KCNMB2: variants seen among roughly 807,000 people sequenced by gnomAD.
KCNMB2 encodes calcium-activated potassium channel subunit beta-2.
In KCNMB2, 9 loss-of-function variants were observed where a neutral mutation model predicts 24.5. The ratio of observed to expected loss-of-function variants is 0.37; its 90% CI spans 0.22 to 0.64. The LOEUF is 0.64. KCNMB2 is among the 30% of genes least tolerant of loss of function. KCNMB2 has a pLI of 0.63. For missense variants in KCNMB2, 226 were observed against 284.3 expected (o/e 0.79, Z 1.47); for synonymous variants, 109 against 104.4 (o/e 1.04, Z -0.27).
chr3:178,655,065 T>C (rs1224857050), intron 1 of KCNMB2, among the ~76,000 whole-genome samples: 1 of 147,588 alleles, frequency 6.8e-6, no homozygotes, highest in Non-Finnish European at 1.5e-5. Context: ...ATAACATGCT[T>C]AGTGTAAAGT....
chr3:178,613,167 G>A (rs773177283), intron 1 of KCNMB2, among the ~76,000 whole-genome samples: 1 of 152,198 alleles, frequency 6.6e-6, no homozygotes, highest in Non-Finnish European at 1.5e-5. Context: ...GGTGGCCAAG[G>A]TAAGAGTATT....
chr3:178,621,362 C>A (rs139319982), intron 1 of KCNMB2, among the ~76,000 whole-genome samples: 1 of 146,994 alleles, frequency 6.8e-6, no homozygotes, highest in Non-Finnish European at 1.5e-5. Context: ...ATTCCTCCAC[C>A]CTTCTCTCTC....
intron 1 of KCNMB2, among the ~76,000 whole-genome samples, chr3:178,740,411 C>A (rs182177146): frequency 1.3e-5 from 2 of 152,142 alleles, no homozygotes; most frequent in East Asian, 3.8e-4. Flanking sequence ...TTAGCCACCA[C>A]GCCTGGCCCC....
chr3:178,651,615 C>A (rs1415421323), intron 1 of KCNMB2, among the ~76,000 whole-genome samples: 1 of 152,174 alleles, frequency 6.6e-6, no homozygotes, highest in East Asian at 1.9e-4. Context: ...ATAGCCAAGA[C>A]AATCCTAAGC....
chr3:178,794,075 T>C (rs1328167693), intron 1 of KCNMB2, among the ~76,000 whole-genome samples: 3 of 152,218 alleles, frequency 2.0e-5, no homozygotes, highest in Admixed American at 6.5e-5. Context: ...TATTACACGG[T>C]TGCAAAGCAG....
intron 1 of KCNMB2, among the ~76,000 whole-genome samples, chr3:178,683,013 A>C (rs560849110): frequency 2.4e-3 from 371 of 152,246 alleles, no homozygotes; most frequent in African/African-American, 8.3e-3. Context: ...AAGAAAATAA[A>C]TCTACCAAAA....
At chr3:178,553,626 T>C (rs1185003069) in intron 1 of KCNMB2, among the ~76,000 whole-genome samples, 1 of 151,828 alleles carries the variant, frequency 6.6e-6, no homozygotes, top group Non-Finnish European at 1.5e-5. Flanking sequence ...TCATTTCGTC[T>C]CCTGGTTTCA....
At chr3:178,677,604 T>TG (rs1721114057) in intron 1 of KCNMB2, among the ~76,000 whole-genome samples, 1 of 152,222 alleles carries the variant, frequency 6.6e-6, no homozygotes, top group Non-Finnish European at 1.5e-5. Context: ...CTAAAACCCC[T>TG]GGCCTGTCGT....
At chr3:178,561,265 C>T (rs1716305162) in intron 1 of KCNMB2, among the ~76,000 whole-genome samples, 1 of 152,122 alleles carries the variant, frequency 6.6e-6, no homozygotes, top group East Asian at 1.9e-4. Context: ...GCTACAGCAA[C>T]AGTTTAACAG....
chr3:178,753,395 T>A (rs1160657780), intron 1 of KCNMB2, among the ~76,000 whole-genome samples: 1 of 152,196 alleles, frequency 6.6e-6, no homozygotes, highest in African/African-American at 2.4e-5. Context: ...AGTTCTTAAC[T>A]CCTCTGTGCC....
At chr3:178,690,600 C>T (rs1721635320) in intron 1 of KCNMB2, among the ~76,000 whole-genome samples, 1 of 152,116 alleles carries the variant, frequency 6.6e-6, no homozygotes, top group Non-Finnish European at 1.5e-5. Flanking sequence ...TTTTTGTCCT[C>T]TGACATGCAC....
At chr3:178,703,752 G>T (rs1722184759) in intron 1 of KCNMB2, among the ~76,000 whole-genome samples, 1 of 152,260 alleles carries the variant, frequency 6.6e-6, no homozygotes. Context: ...CTACTTACAT[G>T]GGTGTGTTTA....
chr3:178,601,197 G>A (rs1443629486), intron 1 of KCNMB2, among the ~76,000 whole-genome samples: 1 of 150,946 alleles, frequency 6.6e-6, no homozygotes, highest in African/African-American at 2.4e-5. Flanking sequence ...CCTGTCAGGG[G>A]GTTGGGGGGG....
At chr3:178,806,689 A>C (rs754014007) in intron 1 of KCNMB2, among the ~76,000 whole-genome samples, 1,473 of 58,474 alleles carry the variant, frequency 0.025, 11 homozygotes, top group Non-Finnish European at 0.026. Flanking sequence ...AAGTCATAAT[A>C]ATAATAATAA....
rs1169215603 is a variant in KCNMB2, at chr3:178,831,443, A to C, written c.423+3070A>C. On this transcript the variant is annotated intron_variant, in intron 4 of 4. Transcript: ENST00000452583. ...TGTTCTGCCACAAAGACACATGTACATGTATGTTCATGGCAGCAGTTCTCA... is the reference window on the plus strand; with the variant it reads ...TGTTCTGCCACAAAGACACATGTACCTGTATGTTCATGGCAGCAGTTCTCA... 2.0e-5 allele frequency among the ~76,000 whole-genome samples: 3 copies of C among 152,172 alleles called. No individual in the cohort carries two copies. In the South Asian group the frequency reaches 6.2e-4, roughly 32 times the overall value.
intron 1 of KCNMB2, among the ~76,000 whole-genome samples, chr3:178,671,607 C>A (rs1720901930): frequency 6.6e-6 from 1 of 152,114 alleles, no homozygotes; most frequent in African/African-American, 2.4e-5. Flanking sequence ...GCACAGTTTT[C>A]TGGTCAGTCA....
rs775837432 is a variant in KCNMB2, at chr3:178,842,932, A to C, written c.703A>C (p.Arg235=). The C allele has an allele frequency of 3.8e-5, 61 of 1,597,038 alleles. No homozygotes were observed. The highest frequency in any genetic ancestry group is 5.0e-5 in the Non-Finnish European group (58 of 1,171,266). ...ATGTGAGAGGATCCAACGGATCAAT[A>C]GATAAATGCAAAAATGGATAAAATA... The part of the protein sequence containing the change: ...LLCERIQRIN[R] Residue 235 remains arginine, a synonymous_variant, in exon 5 of 5, where the codon AGA becomes CGA. Coordinates refer to ENST00000452583, the MANE Select transcript of KCNMB2 (RefSeq NM_181361.3).
chr3:178,615,241 A>G (rs1718662901), intron 1 of KCNMB2, among the ~76,000 whole-genome samples: 2 of 152,174 alleles, frequency 1.3e-5, no homozygotes, highest in African/African-American at 4.8e-5. Flanking sequence ...ACAATACTGC[A>G]TCTCGCCCAT....
At chr3:178,788,628 C>G (rs923556243) in intron 1 of KCNMB2, among the ~76,000 whole-genome samples, 1 of 152,120 alleles carries the variant, frequency 6.6e-6, no homozygotes, top group Non-Finnish European at 1.5e-5. Context: ...GGGAAATTAA[C>G]AATGTATTTG....
Sources: gnomAD v4.1 joint callset for allele counts (sites outside exome capture counted in the v4.1 genomes callset) on GRCh38, gnomAD v4.1.1 for gene constraint, MANE v1.5 for transcripts, NCBI Gene and HGNC (gene_info 2026-07-23, HGNC 2026-07-21) for gene names.